The following SLC26A4 variants were observed in gnomAD, a reference collection of about 807,000 sequenced individuals.
SLC26A4 encodes the protein pendrin.
A neutral mutation model predicts 90.4 loss-of-function variants in SLC26A4; 93 were observed. The observed-to-expected ratio is 1.03, with a 90% CI of 0.87 to 1.22. SLC26A4 has a LOEUF of 1.22. Ranked by LOEUF, SLC26A4 falls within the 50% of genes most tolerant of loss-of-function variation. The pLI is 0.00. For missense variants in SLC26A4, 1,127 were observed against 946.2 expected (o/e 1.19, Z -2.51); for synonymous variants, 393 against 354.6 (o/e 1.11, Z -1.22).
chr7:107,691,245 T>C (rs894113303), intron 10 of SLC26A4, among the ~76,000 whole-genome samples: 2 of 151,896 alleles, frequency 1.3e-5, no homozygotes, highest in African/African-American at 4.8e-5. Context: ...CTCATGCTTG[T>C]AATCCCAGCA....
rs74589438 is a variant in SLC26A4, at chr7:107,671,396, C to A, written c.305-742C>A. Among the ~76,000 whole-genome samples, 5 of 152,138 alleles carry A rather than the reference C, an allele frequency of 3.3e-5. No individual in the cohort carries two copies. The East Asian group carries it at 7.7e-4, about 23-fold the overall frequency. On this transcript the variant is annotated intron_variant, in intron 3 of 20. Transcript: ENST00000644269. ...GCTGGTCTCAAACTCCTGGGCTCAA[C>A]TGATACTCCTGCCTATGGCTTCCCA...
chr7:107,675,139 G>A, intron 6 of SLC26A4, 30 bp downstream of exon 6: 2 of 1,603,496 alleles, frequency 1.2e-6, no homozygotes, highest in Non-Finnish European at 1.7e-6. Flanking sequence ...CCAGGGATGG[G>A]TCACTGTTCA....
intron 15 of SLC26A4, among the ~76,000 whole-genome samples, chr7:107,700,897 C>T (rs957372845): frequency 1.3e-5 from 2 of 152,258 alleles, no homozygotes; most frequent in African/African-American, 4.8e-5. Context: ...CTTTGATATG[C>T]TACTGTCTTC....
intron 9 of SLC26A4, 47 bp downstream of exon 9, chr7:107,689,247 GA>G (rs771345264): frequency 6.3e-7 from 1 of 1,598,470 alleles, no homozygotes; most frequent in Non-Finnish European, 8.6e-7. Flanking sequence ...CTGGAAACAG[GA>G]AAAAAACATA....
chr7:107,664,746 T>C (rs1302871711), intron 3 of SLC26A4, among the ~76,000 whole-genome samples: 1 of 152,182 alleles, frequency 6.6e-6, no homozygotes, highest in Admixed American at 6.5e-5. Flanking sequence ...CCCATAAGCA[T>C]CTTAGAAATC....
intron 17 of SLC26A4, among the ~76,000 whole-genome samples, chr7:107,703,872 C>G (rs563642941): frequency 6.6e-6 from 1 of 152,000 alleles, no homozygotes; most frequent in Admixed American, 6.6e-5. Flanking sequence ...TCCTATATAC[C>G]CCTTACCCAG....
intron 3 of SLC26A4, among the ~76,000 whole-genome samples, chr7:107,669,063 T>A (rs1259282987): frequency 6.6e-6 from 1 of 152,134 alleles, no homozygotes; most frequent in African/African-American, 2.4e-5. Context: ...GTTCAAACTA[T>A]CCTTGTGCCT....
rs1344890266 is a variant in SLC26A4, at chr7:107,674,947, G to T, written c.603G>T (p.Leu201Phe). 1 of 1,614,010 alleles carries T rather than the reference G, an allele frequency of 6.2e-7. No individual in the cohort carries two copies. The highest frequency in any genetic ancestry group is 1.1e-5 in the South Asian group (1 of 91,072). Residue 201 changes from leucine to phenylalanine, a missense_variant and splice_region_variant, in exon 6 of 21, where the codon TTG becomes TTT. By Grantham distance (22) the Leu-to-Phe change is conservative (BLOSUM62 0). Transcript: ENST00000644269. ...ALTLLVGIIQ[L>F]IFGGLQIGFI... is the part of the protein sequence containing the mutation. ...TTCTTTCCTTTTCCTTATCGTAGTT[G>T]ATATTTGGTGGCTTGCAGATTGGAT...
intron 17 of SLC26A4, 61 bp from the exon 18 acceptor site, chr7:107,704,270 C>T: frequency 1.3e-6 from 1 of 744,354 alleles, no homozygotes; most frequent in South Asian, 1.5e-5. Context: ...TAACTGAATG[C>T]TACTGAATTA....
rs1202592195 is a variant in SLC26A4, at chr7:107,704,335, T to C, written c.2039T>C (p.Val680Ala). The C allele has an allele frequency of 1.5e-6, 2 of 1,356,880 alleles. No homozygotes were observed. Among genetic ancestry groups the C allele is most frequent in the East Asian group, 4.6e-5 (2 of 43,572 alleles). 84.1% of individuals were successfully genotyped at this position (1,356,880 alleles called of 1,614,324 possible). The change falls in exon 18 of 21, where the codon GTC becomes GCC. Residue 680 changes from valine (V) to alanine (A), a missense_variant. Physicochemically the swap from Val to Ala is moderately conservative, Grantham distance 64. Coordinates refer to ENST00000644269, the MANE Select transcript of SLC26A4 (RefSeq NM_000441.2). ...VVGVRSLRVI[V>A]KEFQRIDVNV... ...ACTCTCCTTTTTTATTTTTAGATTG[T>C]CAAAGAATTCCAAAGAATTGATGTG...
rs35766469 is a variant in SLC26A4 at position 107,691,548 on chromosome 7, C to CATAT, written c.1263+1326_1263+1329dup. Among the ~76,000 whole-genome samples, 566 of 144,170 alleles carry CATAT rather than the reference C, an allele frequency of 3.9e-3. 2 individuals carry two copies. Among genetic ancestry groups the CATAT allele is most frequent in the African/African-American group, 0.013 (520 of 38,822 alleles). 94.6% of individuals were successfully genotyped at this position (144,170 alleles called of 152,430 possible). On this transcript the variant is annotated intron_variant, in intron 10 of 20. Coordinates refer to ENST00000644269, the MANE Select transcript of SLC26A4 (RefSeq NM_000441.2). The stretch of plus-strand genomic sequence containing the variant: ...ACACACACACACACACACACACAAA[C>CATAT]ATATATATATATATATATTCTCATA...
intron 16 of SLC26A4, 142 bp from the exon 17 acceptor site, chr7:107,701,685 G>A (rs555824168): frequency 1.8e-5 from 12 of 684,436 alleles, no homozygotes; most frequent in African/African-American, 1.6e-4. Context: ...TTGGGCTGAG[G>A]TGAAACCCAT....
At chr7:107,714,648 G>A (rs1322382429) in intron 20 of SLC26A4, among the ~76,000 whole-genome samples, 1 of 152,032 alleles carries the variant, frequency 6.6e-6, no homozygotes, top group Non-Finnish European at 1.5e-5. Flanking sequence ...TTCAGGGAGG[G>A]TTTCTATAGA....
At position 107,661,480 on chromosome 7, in the gene SLC26A4, C is replaced by T. The variant is rs1263404779; in HGVS notation, c.-3-159C>T. 4.9e-6 allele frequency: 4 copies of T among 822,974 alleles called. No homozygotes were observed. The highest frequency in any genetic ancestry group is 2.2e-5 in the Admixed American group (1 of 44,752). The allele number at this position is 822,974 out of a possible 1,614,324, so 51.0% of individuals were successfully genotyped here. ...GCCGTGCGCGCCGTGGGGCGCTTGT[C>T]GCGAGCGCCGAGGGCTGCAGGACGC... On this transcript the variant is annotated intron_variant, in intron 1 of 20. Coordinates refer to ENST00000644269, the MANE Select transcript of SLC26A4 (RefSeq NM_000441.2). This position sits in a 1 kb window ranked among gnomAD's most constrained non-coding sequence, Gnocchi z 5.1.
At chr7:107,690,721 T>C (rs889731456) in intron 10 of SLC26A4, among the ~76,000 whole-genome samples, 8 of 152,168 alleles carry the variant, frequency 5.3e-5, no homozygotes, top group African/African-American at 1.7e-4. Context: ...AAGAATATTT[T>C]TGTTGTAACA....
Position 107,695,941 on chromosome 7 carries a change from G to A in SLC26A4, c.1446G>A (p.Trp482Ter). Residue 482 changes from tryptophan (W) to a stop codon, truncating the protein, a stop_gained, in exon 13 of 21, where the codon TGG (tryptophan) becomes TGA (stop). Transcript: ENST00000644269. LOFTEE classifies it high-confidence loss of function. Reference protein sequence around the residue: ...WRQNKIDAVIWVFTCIVSIIL... With the variant: ...WRQNKIDAVI ...TCTATTTTTTTCCCTAGGTTATCTG[G>A]GTGTTTACGTGTATAGTGTCCATCA... 6.3e-7 allele frequency: 1 copy of A among 1,582,498 alleles called. No homozygotes were observed. Among genetic ancestry groups the A allele is most frequent in the Non-Finnish European group, 8.7e-7 (1 of 1,151,630 alleles).
At position 107,665,314 on chromosome 7, in the gene SLC26A4, G is replaced by A. The variant is rs145606559; in HGVS notation, c.304+1879G>A. Among the ~76,000 whole-genome samples the A allele has an allele frequency of 2.7e-3, 411 of 152,324 alleles. 1 individual carries two copies. The highest frequency in any genetic ancestry group is 4.5e-3 in the Non-Finnish European group (308 of 68,038). On this transcript the variant is annotated intron_variant, in intron 3 of 20. Coordinates refer to ENST00000644269, the MANE Select transcript of SLC26A4 (RefSeq NM_000441.2). ...CAGGTAGATGCCCGAAGAGAAGGAG[G>A]ATGGCCTATGAACCCAGGGTGGAGC...
intron 8 of SLC26A4, among the ~76,000 whole-genome samples, chr7:107,686,385 C>T (rs1308308740): frequency 3.6e-5 from 5 of 137,676 alleles, no homozygotes; most frequent in Non-Finnish European, 6.3e-5. Flanking sequence ...CCCCTTCCTT[C>T]CTTCCTTCCT....
intron 14 of SLC26A4, among the ~76,000 whole-genome samples, chr7:107,699,084 A>T (rs1791818366): frequency 6.6e-6 from 1 of 152,174 alleles, no homozygotes; most frequent in Admixed American, 6.5e-5. Context: ...CTGCTACTTA[A>T]TTTATTTCCG....
Sources: allele counts gnomAD v4.1 joint callset (sites outside exome capture counted in the v4.1 genomes callset), GRCh38; gene constraint gnomAD v4.1.1; non-coding constraint Gnocchi (gnomAD v3.1); transcripts MANE v1.5; gene names NCBI Gene and HGNC (gene_info 2026-07-23, HGNC 2026-07-21).